Variants in AUTS2 observed in about 807,000 individuals in gnomAD.
AUTS2 encodes activator of transcription and developmental regulator AUTS2, also known as autism susceptibility gene 2 protein.
In AUTS2, 17 loss-of-function variants were observed where a neutral mutation model predicts 112.4. The ratio of observed to expected loss-of-function variants is 0.15; its 90% CI spans 0.10 to 0.23. The LOEUF (loss-of-function observed/expected upper bound fraction) is 0.23. AUTS2 is among the 10% of genes least tolerant of loss of function. The pLI is 1.00. For synonymous variants in AUTS2, 751 were observed against 702.7 expected, an observed-to-expected ratio of 1.07 and a Z score of -1.09; for missense variants, 1,510 against 1,701.6, an observed-to-expected ratio of 0.89 and a Z score of 1.98.
At chr7:70,536,909 A>G (rs552860682) in intron 5 of AUTS2, among the ~76,000 whole-genome samples, 109 of 152,212 alleles carry the variant, frequency 7.2e-4, no homozygotes, top group Non-Finnish European at 1.2e-3. Flanking sequence ...TCAAAGAAAA[A>G]AGAAAAAGAA....
intron 10 of AUTS2, 51 bp downstream of exon 10, chr7:70,768,119 T>G (rs1229865293): frequency 1.3e-6 from 2 of 1,539,710 alleles, no homozygotes; most frequent in Non-Finnish European, 1.8e-6. Context: ...TTGCCATTTT[T>G]GTGCTCTTGC....
At chr7:70,706,138 G>A (rs1227402482) in intron 6 of AUTS2, among the ~76,000 whole-genome samples, 1 of 152,204 alleles carries the variant, frequency 6.6e-6, no homozygotes, top group East Asian at 1.9e-4. Flanking sequence ...AAATTTTGCT[G>A]CAGTAACAAA....
intron 2 of AUTS2, among the ~76,000 whole-genome samples, chr7:69,990,931 A>G (rs1206168820): frequency 1.3e-5 from 2 of 152,154 alleles, no homozygotes; most frequent in African/African-American, 2.4e-5. Flanking sequence ...GTGTTCCTCA[A>G]TCTCTGTGGT....
intron 5 of AUTS2, among the ~76,000 whole-genome samples, chr7:70,690,123 C>G (rs976979526): frequency 4.6e-5 from 7 of 152,194 alleles, no homozygotes; most frequent in South Asian, 2.1e-4. Context: ...GAAACTGAGG[C>G]AGGGAGAGTG....
intron 1 of AUTS2, among the ~76,000 whole-genome samples, chr7:69,624,406 C>T (rs1190373279): frequency 1.3e-5 from 2 of 152,172 alleles, no homozygotes; most frequent in Admixed American, 6.5e-5. Context: ...CATTCCAACC[C>T]AATCAGAACA....
At chr7:70,528,765 G>A (rs1799959209) in intron 5 of AUTS2, among the ~76,000 whole-genome samples, 1 of 151,244 alleles carries the variant, frequency 6.6e-6, no homozygotes, top group South Asian at 2.1e-4. Context: ...CCTGCGAATA[G>A]CCACTGCATT....
chr7:70,110,797 A>G (rs1665675663), intron 2 of AUTS2, among the ~76,000 whole-genome samples: 1 of 151,222 alleles, frequency 6.6e-6, no homozygotes, highest in African/African-American at 2.4e-5. Context: ...AAACTTGTCT[A>G]ATTGCATTAG....
intron 4 of AUTS2, among the ~76,000 whole-genome samples, chr7:70,156,891 TAAAAAAAAAAAAAAAAAAA>T (rs781281055): frequency 1.1e-3 from 41 of 37,876 alleles, no homozygotes; most frequent in African/African-American, 3.6e-3. Context: ...CTACTAAAAG[TAAAAAAAAAAAAAAAAAAA>T]AAAAAAAAAA....
intron 4 of AUTS2, among the ~76,000 whole-genome samples, chr7:70,251,532 A>G (rs1562822314): frequency 2.0e-5 from 3 of 152,016 alleles, no homozygotes; most frequent in African/African-American, 2.4e-5. Context: ...AAAATTGTCT[A>G]TTCAGTTTCT....
intron 2 of AUTS2, among the ~76,000 whole-genome samples, chr7:69,956,732 G>A (rs1444802743): frequency 6.6e-6 from 1 of 152,204 alleles, no homozygotes; most frequent in Non-Finnish European, 1.5e-5. Context: ...AGGTCCTGAA[G>A]GAAGAGTGGG....
chr7:70,008,886 A>G (rs1373036284), intron 2 of AUTS2, among the ~76,000 whole-genome samples: 1 of 152,198 alleles, frequency 6.6e-6, no homozygotes, highest in Non-Finnish European at 1.5e-5. Context: ...TTTGTGGCAA[A>G]TAAATAACCA....
At chr7:70,511,561 CTTTTTTTTTTTTTTTT>C (rs3974587) in intron 5 of AUTS2, among the ~76,000 whole-genome samples, 1 of 70,104 alleles carries the variant, frequency 1.4e-5, no homozygotes, top group Non-Finnish European at 2.5e-5. Context: ...TTTTCATTTT[CTTTTTTTTTTTTTTTT>C]TTTTTTTTTT....
chr7:70,684,543 G>GTGTGGCGTGGCGTGGCGTGT (rs1277410985), intron 5 of AUTS2, among the ~76,000 whole-genome samples: 8 of 150,848 alleles, frequency 5.3e-5, no homozygotes, highest in Admixed American at 3.9e-4. Context: ...ATGTGGTGTG[G>GTGTGGCGTGGCGTGGCGTGT]TGTGGCGTGG....
intron 1 of AUTS2, among the ~76,000 whole-genome samples, chr7:69,697,790 A>G (rs1797618434): frequency 6.6e-6 from 1 of 152,230 alleles, no homozygotes; most frequent in South Asian, 2.1e-4. Flanking sequence ...ATTTGTAACA[A>G]GACCAAGTTA....
chr7:69,967,015 A>G (rs777083366), intron 2 of AUTS2, among the ~76,000 whole-genome samples: 3 of 152,188 alleles, frequency 2.0e-5, no homozygotes, highest in Non-Finnish European at 2.9e-5. Flanking sequence ...TCTCTGGTAC[A>G]AAAGGTTAGA....
At chr7:69,671,568 C>T (rs1417042400) in intron 1 of AUTS2, among the ~76,000 whole-genome samples, 1 of 151,204 alleles carries the variant, frequency 6.6e-6, no homozygotes, top group Admixed American at 6.6e-5. Context: ...GTCTGTGTTT[C>T]TCTACCACCT....
chr7:70,162,217 C>G (rs889308851), intron 4 of AUTS2, among the ~76,000 whole-genome samples: 3 of 151,480 alleles, frequency 2.0e-5, no homozygotes, highest in Non-Finnish European at 4.4e-5. Flanking sequence ...GAGGCCGAGG[C>G]GGGCGGATCA....
At chr7:69,656,480 T>C (rs1479760263) in intron 1 of AUTS2, among the ~76,000 whole-genome samples, 1 of 152,214 alleles carries the variant, frequency 6.6e-6, no homozygotes, top group Non-Finnish European at 1.5e-5. Flanking sequence ...TCTTTCAGAC[T>C]ATTGGGTTTT....
At chr7:69,943,144 T>C (rs759776086) in intron 2 of AUTS2, among the ~76,000 whole-genome samples, 31 of 152,214 alleles carry the variant, frequency 2.0e-4, no homozygotes, top group Non-Finnish European at 3.4e-4. Context: ...ATTCATGAGC[T>C]TTAAATGTGC....
Sources: allele counts gnomAD v4.1 joint callset (sites outside exome capture counted in the v4.1 genomes callset), GRCh38; gene constraint gnomAD v4.1.1; transcripts MANE v1.5; gene names NCBI Gene and HGNC (gene_info 2026-07-23, HGNC 2026-07-21).